Variants in COL25A1 observed in about 807,000 individuals in gnomAD.
COL25A1 encodes the protein collagen alpha-1(XXV) chain.
COL25A1 carries 103 observed loss-of-function variants against 128.4 expected under a neutral mutation model. That is an observed-to-expected ratio of 0.80 (90% CI 0.68 to 0.94). The LOEUF (loss-of-function observed/expected upper bound fraction) is 0.94. Ranked by LOEUF, COL25A1 falls within the 40% of genes least tolerant of loss-of-function variation. COL25A1 has a pLI of 0.00. For missense variants in COL25A1, 745 were observed against 840.0 expected, an observed-to-expected ratio of 0.89 and a Z score of 1.40; for synonymous variants, 279 against 277.2, an observed-to-expected ratio of 1.01 and a Z score of -0.06.
intron 16 of COL25A1, among the ~76,000 whole-genome samples, chr4:108,894,931 A>G (rs1193650495): frequency 6.6e-6 from 1 of 152,194 alleles, no homozygotes; most frequent in Non-Finnish European, 1.5e-5. Flanking sequence ...GTAACGTTTG[A>G]CAATACCTGG....
chr4:108,840,561 T>C (rs1375675705), intron 31 of COL25A1, among the ~76,000 whole-genome samples: 1 of 152,268 alleles, frequency 6.6e-6, no homozygotes, highest in African/African-American at 2.4e-5. Context: ...CCACCACTCC[T>C]AGAGCTGGGT....
At position 109,276,360 on chromosome 4, in the gene COL25A1, C is replaced by T. The variant is rs377481350; in HGVS notation, c.367+24223G>A. ...CCAGGAGGCGGAGGTTGCAGTGAGC[C>T]GAGATCGCGCCACTGCACTCCAGCC... is the stretch of plus-strand genomic sequence containing the variant. On this transcript the variant is annotated intron_variant, in intron 3 of 37. Transcript: ENST00000399132. 7.4e-5 allele frequency among the ~76,000 whole-genome samples: 11 copies of T among 149,556 alleles called. 1 individual carries two copies. The highest frequency in any genetic ancestry group is 2.7e-4 in the Admixed American group (4 of 14,934).
chr4:109,226,545 C>T (rs1196746417), intron 3 of COL25A1, among the ~76,000 whole-genome samples: 1 of 152,036 alleles, frequency 6.6e-6, no homozygotes, highest in Non-Finnish European at 1.5e-5. Flanking sequence ...GGTTTCCCCT[C>T]TTTGTTAGGG....
At chr4:108,862,391 G>A in intron 22 of COL25A1, 110 bp downstream of exon 22, 1 of 815,210 alleles carries the variant, frequency 1.2e-6, no homozygotes. Context: ...CAGTTCCACT[G>A]TGTGAAAGAG....
chr4:108,859,850 GCCCAA>G (rs1736968045), intron 23 of COL25A1, 117 bp from the exon 24 acceptor site: 6 of 668,088 alleles, frequency 9.0e-6, no homozygotes, highest in Non-Finnish European at 1.6e-5. Context: ...CCCTACTAAG[GCCCAA>G]CTGTACTTTA....
chr4:109,272,924 A>G (rs918349615), intron 3 of COL25A1, among the ~76,000 whole-genome samples: 1 of 152,180 alleles, frequency 6.6e-6, no homozygotes, highest in African/African-American at 2.4e-5. Context: ...TACGGTGTCA[A>G]GTGAGACAGA....
chr4:109,124,445 C>T (rs1237151696), intron 3 of COL25A1, among the ~76,000 whole-genome samples: 2 of 151,954 alleles, frequency 1.3e-5, no homozygotes, highest in Non-Finnish European at 2.9e-5. Flanking sequence ...TACAACCTCT[C>T]CTTACTAATA....
chr4:109,100,161 T>C (rs1765759833), intron 3 of COL25A1, among the ~76,000 whole-genome samples: 1 of 152,198 alleles, frequency 6.6e-6, no homozygotes, highest in Non-Finnish European at 1.5e-5. Flanking sequence ...TATTATTTGG[T>C]ACACTACTTC....
At chr4:109,086,807 C>T (rs1764431664) in intron 3 of COL25A1, among the ~76,000 whole-genome samples, 1 of 152,198 alleles carries the variant, frequency 6.6e-6, no homozygotes, top group African/African-American at 2.4e-5. Context: ...GAAAGCTGTT[C>T]TGCAATGCAG....
chr4:109,038,855 G>A (rs1579168672), intron 5 of COL25A1, among the ~76,000 whole-genome samples: 1 of 152,096 alleles, frequency 6.6e-6, no homozygotes, highest in Admixed American at 6.5e-5. Context: ...CTGGGTGACT[G>A]CTCATGTCTA....
At chr4:109,229,365 A>T (rs1222533935) in intron 3 of COL25A1, among the ~76,000 whole-genome samples, 1 of 152,228 alleles carries the variant, frequency 6.6e-6, no homozygotes, top group Non-Finnish European at 1.5e-5. Context: ...TCTGGTTACA[A>T]CATTTTCGGC....
At chr4:109,214,402 G>A (rs1012462255) in intron 3 of COL25A1, among the ~76,000 whole-genome samples, 1 of 151,866 alleles carries the variant, frequency 6.6e-6, no homozygotes, top group Non-Finnish European at 1.5e-5. Context: ...TGGGAAACTG[G>A]GAGTAGTCAC....
At chr4:109,070,935 T>C (rs554493700) in intron 3 of COL25A1, among the ~76,000 whole-genome samples, 25 of 152,214 alleles carry the variant, frequency 1.6e-4, no homozygotes, top group African/African-American at 4.3e-4. Flanking sequence ...CAGCCTATCA[T>C]TGATGGACAT....
Position 109,119,555 on chromosome 4 carries a change from A to G in COL25A1, c.368-69376T>C, listed in dbSNP as rs753646553. 1.1e-4 allele frequency among the ~76,000 whole-genome samples: 17 copies of G among 152,168 alleles called. No individual in the cohort carries two copies. In the South Asian group the frequency reaches 1.2e-3, roughly 11 times the overall value. ...GAATACTATGAACAGCTCTATGCCC[A>G]TAGATTAAATAAATCAACTCCTTGA... On this transcript the variant is annotated intron_variant, in intron 3 of 37. Coordinates refer to ENST00000399132, the MANE Select transcript of COL25A1 (RefSeq NM_198721.4).
chr4:109,014,778 G>A (rs531660386), intron 5 of COL25A1, among the ~76,000 whole-genome samples: 7 of 152,190 alleles, frequency 4.6e-5, no homozygotes, highest in Non-Finnish European at 4.4e-5. Flanking sequence ...ACATGAAAAG[G>A]AGGGAAAAGA....
At chr4:108,898,470 A>C (rs1742412258) in intron 15 of COL25A1, among the ~76,000 whole-genome samples, 1 of 152,208 alleles carries the variant, frequency 6.6e-6, no homozygotes, top group South Asian at 2.1e-4. Context: ...AATAAGTAGC[A>C]TGAGAACCAG....
intron 13 of COL25A1, among the ~76,000 whole-genome samples, chr4:108,903,975 A>T (rs1305167287): frequency 2.6e-5 from 4 of 152,116 alleles, no homozygotes; most frequent in African/African-American, 9.6e-5. Context: ...ATAAAGCTAG[A>T]GGAAAAAATG....
At chr4:109,219,710 G>A (rs1778285329) in intron 3 of COL25A1, among the ~76,000 whole-genome samples, 1 of 152,080 alleles carries the variant, frequency 6.6e-6, no homozygotes, top group Admixed American at 6.6e-5. Flanking sequence ...TGACTTTGTT[G>A]ACTAATGCCT....
intron 8 of COL25A1, among the ~76,000 whole-genome samples, chr4:108,960,139 T>C (rs1750521867): frequency 6.6e-6 from 1 of 152,090 alleles, no homozygotes; most frequent in Admixed American, 6.6e-5. Flanking sequence ...ATAATGTGTT[T>C]ATCTATGCCA....
Sources: allele counts gnomAD v4.1 joint callset (sites outside exome capture counted in the v4.1 genomes callset), GRCh38; gene constraint gnomAD v4.1.1; transcripts MANE v1.5; gene names NCBI Gene and HGNC (gene_info 2026-07-23, HGNC 2026-07-21).